CTTNBP2NL: variants seen among roughly 807,000 people sequenced by gnomAD.
CTTNBP2NL encodes the protein CTTNBP2 N-terminal like.
In CTTNBP2NL, 16 loss-of-function variants were observed where a neutral mutation model predicts 32.5. That is an observed-to-expected ratio of 0.49 (90% confidence interval 0.33 to 0.75). The LOEUF is 0.75. CTTNBP2NL is among the 30% of genes least tolerant of loss of function. The probability of loss-of-function intolerance (pLI) is 0.02; values close to 1 mark genes in which losing one functional copy is unlikely to be tolerated. For missense variants in CTTNBP2NL, 645 were observed against 756.0 expected, an observed-to-expected ratio of 0.85 and a Z score of 1.72; for synonymous variants, 298 against 289.4, an observed-to-expected ratio of 1.03 and a Z score of -0.30.
At position 112,456,036 on chromosome 1, in the gene CTTNBP2NL, C is replaced by G. The variant is rs751530700; in HGVS notation, c.544C>G (p.Leu182Val). The change falls in exon 6 of 6, where the codon CTA (leucine) becomes GTA (valine). Residue 182 changes from leucine (L) to valine (V), a missense_variant. By Grantham distance (32) the Leu-to-Val change is conservative (BLOSUM62 1). Transcript: ENST00000271277. ...RSRHKQLSSM[L>V]VLECKKATNK... ...CCGCCACAAGCAGCTCTCATCCATG[C>G]TAGTGCTTGAGTGCAAGAAAGCCAC... 1 of 1,614,140 alleles carries G rather than the reference C, an allele frequency of 6.2e-7. No homozygotes were observed. The highest frequency in any genetic ancestry group is 1.3e-5 in the African/African-American group (1 of 75,020).
intron 3 of CTTNBP2NL, among the ~76,000 whole-genome samples, chr1:112,432,917 A>C (rs769522901): frequency 1.3e-5 from 2 of 152,170 alleles, no homozygotes; most frequent in African/African-American, 2.4e-5. Context: ...TTTTGAAGTT[A>C]AAAGTAACCG....
chr1:112,431,162 A>C (rs1446707288), intron 3 of CTTNBP2NL, among the ~76,000 whole-genome samples: 1 of 152,230 alleles, frequency 6.6e-6, no homozygotes, highest in Non-Finnish European at 1.5e-5. Flanking sequence ...GGGCTTCAGA[A>C]AAGATTACAG....
rs1360536931 is a variant in CTTNBP2NL at position 112,456,739 on chromosome 1, G to A, written c.1247G>A (p.Ser416Asn). The A allele has an allele frequency of 2.5e-6, 4 of 1,613,958 alleles. No homozygotes were observed. The South Asian group carries it at 4.4e-5, about 18-fold the overall frequency. ...LSSSGSSLSP[S>N]STASSSLTSS... ...TCCAGTGGGAGCTCACTGTCTCCCA[G>A]CAGCACTGCCTCCTCCTCTCTAACA... Residue 416 changes from serine to asparagine, a missense_variant, in exon 6 of 6, where the codon AGC becomes AAC. By Grantham distance (46) the Ser-to-Asn change is conservative. Transcript: ENST00000271277.
intron 5 of CTTNBP2NL, among the ~76,000 whole-genome samples, chr1:112,455,438 G>C (rs1441391225): frequency 6.6e-6 from 1 of 152,172 alleles, no homozygotes; most frequent in Non-Finnish European, 1.5e-5. Context: ...AGAAGGCGGA[G>C]GTTGCAGTGA....
rs1358304572 is a variant in CTTNBP2NL at position 112,460,645 on chromosome 1, C to T, written c.*3233C>T. 1 of 152,210 alleles carries T rather than the reference C, an allele frequency of 6.6e-6. No individual in the cohort carries two copies. The highest frequency in any genetic ancestry group is 3.2e-3 in the Middle Eastern group (1 of 316). The allele number at this position is 152,210 out of a possible 1,614,324, so 9.4% of individuals were successfully genotyped here. A position where few individuals can be genotyped will look rare whatever the true frequency, so the allele number is the denominator to read the frequency against. ...AAAGCATAATCTTGTTCTGCTCTCT[C>T]ATTTTACAAATGATTAATGCATCCC... On this transcript the variant is annotated 3_prime_UTR_variant, in exon 6 of 6. Coordinates refer to ENST00000271277, the MANE Select transcript of CTTNBP2NL (RefSeq NM_018704.3).
At chr1:112,452,234 G>A (rs1049808439) in intron 4 of CTTNBP2NL, among the ~76,000 whole-genome samples, 1 of 151,238 alleles carries the variant, frequency 6.6e-6, no homozygotes, top group African/African-American at 2.4e-5. Context: ...TAACAGGTGC[G>A]ATCATAGCAC....
intron 3 of CTTNBP2NL, among the ~76,000 whole-genome samples, chr1:112,423,818 G>A (rs1195380985): frequency 6.6e-6 from 1 of 152,188 alleles, no homozygotes; most frequent in East Asian, 1.9e-4. Context: ...TTGGCTCCCG[G>A]ATTCAAGTGA....
chr1:112,425,956 C>CGTGTGTGTGTGTGTGT (rs376135147), intron 3 of CTTNBP2NL, among the ~76,000 whole-genome samples: 1 of 119,658 alleles, frequency 8.4e-6, no homozygotes, highest in African/African-American at 3.0e-5. Context: ...ATCTGGATGC[C>CGTGTGTGTGTGTGTGT]GTGTGTGTGT....
chr1:112,434,136 G>A (rs573365252), intron 3 of CTTNBP2NL, among the ~76,000 whole-genome samples: 28 of 152,236 alleles, frequency 1.8e-4, no homozygotes, highest in South Asian at 6.2e-4. Flanking sequence ...CTGTCACATC[G>A]TAACCTATTT....
intron 3 of CTTNBP2NL, among the ~76,000 whole-genome samples, chr1:112,433,318 GCGCGGTGGCTGA>G (rs1649628469): frequency 6.6e-6 from 1 of 152,182 alleles, no homozygotes; most frequent in African/African-American, 2.4e-5. Context: ...CCGTGGCTGG[GCGCGGTGGCTGA>G]CGCCTGTAAT....
intron 3 of CTTNBP2NL, among the ~76,000 whole-genome samples, chr1:112,448,579 G>C (rs1206986713): frequency 6.6e-6 from 1 of 152,138 alleles, no homozygotes; most frequent in Non-Finnish European, 1.5e-5. Flanking sequence ...TTCGGGGCCA[G>C]GTTGCCTGGG....
chr1:112,434,738 CTG>C (rs1649677575), intron 3 of CTTNBP2NL, among the ~76,000 whole-genome samples: 1 of 152,016 alleles, frequency 6.6e-6, no homozygotes, highest in African/African-American at 2.4e-5. Flanking sequence ...AATCTGACCT[CTG>C]TAGCCAAATT....
At chr1:112,422,476 T>C (rs1649261424) in intron 3 of CTTNBP2NL, among the ~76,000 whole-genome samples, 1 of 152,246 alleles carries the variant, frequency 6.6e-6, no homozygotes, top group African/African-American at 2.4e-5. Context: ...TTTGTGTGGA[T>C]ATATGCTTTT....
chr1:112,430,311 C>T (rs866206674), intron 3 of CTTNBP2NL, among the ~76,000 whole-genome samples: 5 of 151,174 alleles, frequency 3.3e-5, no homozygotes, highest in Middle Eastern at 3.5e-3. Context: ...CTGCAACCTC[C>T]GCCTCCTGGG....
intron 3 of CTTNBP2NL, among the ~76,000 whole-genome samples, chr1:112,417,171 T>C (rs1649091892): frequency 6.6e-6 from 1 of 152,208 alleles, no homozygotes; most frequent in Non-Finnish European, 1.5e-5. Context: ...ATAACCTGTC[T>C]GCTTTTCAGC....
At chr1:112,403,199 C>T (rs1448087303) in intron 1 of CTTNBP2NL, among the ~76,000 whole-genome samples, 7 of 152,074 alleles carry the variant, frequency 4.6e-5, no homozygotes, top group African/African-American at 1.7e-4. Context: ...ATTTTTTTCC[C>T]GACTACTCTT....
chr1:112,419,242 T>C (rs1177813), intron 3 of CTTNBP2NL, among the ~76,000 whole-genome samples: 55,621 of 151,996 alleles, frequency 0.37, 10,435 homozygotes, highest in East Asian at 0.55. Flanking sequence ...AAGTTAGAAG[T>C]ATATTTAGAG....
intron 4 of CTTNBP2NL, among the ~76,000 whole-genome samples, chr1:112,452,601 C>G (rs1349371638): frequency 6.7e-6 from 1 of 149,218 alleles, no homozygotes; most frequent in Non-Finnish European, 1.5e-5. Flanking sequence ...GCTTTGGCCT[C>G]CCAAAGTGCT....
At chr1:112,403,637 C>T (rs1648572084) in intron 1 of CTTNBP2NL, among the ~76,000 whole-genome samples, 1 of 152,192 alleles carries the variant, frequency 6.6e-6, no homozygotes, top group South Asian at 2.1e-4. Flanking sequence ...TCTCAGTCAT[C>T]ACAAGTTAAA....
Sources: gnomAD v4.1 joint callset for allele counts (sites outside exome capture counted in the v4.1 genomes callset) on GRCh38, gnomAD v4.1.1 for gene constraint, MANE v1.5 for transcripts, NCBI Gene and HGNC (gene_info 2026-07-23, HGNC 2026-07-21) for gene names.